The following EYS variants were observed in gnomAD, a reference collection of about 807,000 sequenced individuals.
EYS encodes protein eyes shut homolog.
In EYS, 250 loss-of-function variants were observed where a neutral mutation model predicts 282.1. The observed-to-expected ratio is 0.89, with a 90% CI of 0.80 to 0.98. The LOEUF is 0.98. Ranked by LOEUF, EYS falls within the 50% of genes least tolerant of loss-of-function variation. The probability of loss-of-function intolerance (pLI) is 0.00; values close to 1 mark genes in which losing one functional copy is unlikely to be tolerated. For synonymous variants in EYS, 1,355 were observed against 1,282.9 expected (o/e 1.06, Z -1.20); for missense variants, 4,016 against 3,709.0 (o/e 1.08, Z -2.15).
intron 35 of EYS, among the ~76,000 whole-genome samples, chr6:63,943,066 A>G (rs1284224797): frequency 6.6e-6 from 1 of 152,242 alleles, no homozygotes; most frequent in East Asian, 1.9e-4. Context: ...TTTCTGGTCA[A>G]CAGTAAGCTA....
At chr6:64,470,850 C>G (rs1223558460) in intron 26 of EYS, among the ~76,000 whole-genome samples, 1 of 152,002 alleles carries the variant, frequency 6.6e-6, no homozygotes, top group Non-Finnish European at 1.5e-5. Context: ...ATAAAGAGAA[C>G]AAATATTTGA....
chr6:64,050,458 G>T (rs1037545972), intron 33 of EYS, among the ~76,000 whole-genome samples: 3 of 152,096 alleles, frequency 2.0e-5, no homozygotes, highest in Non-Finnish European at 4.4e-5. Flanking sequence ...ACTCATAGTA[G>T]ACTCCTAATT....
At chr6:64,799,242 T>C (rs1173761211) in intron 22 of EYS, among the ~76,000 whole-genome samples, 2 of 151,946 alleles carry the variant, frequency 1.3e-5, no homozygotes, top group Admixed American at 6.6e-5. Flanking sequence ...CCATCAAATC[T>C]CATCTTTCTT....
At chr6:65,062,302 T>C (rs1216722244) in intron 12 of EYS, among the ~76,000 whole-genome samples, 1 of 151,944 alleles carries the variant, frequency 6.6e-6, no homozygotes, top group Admixed American at 6.6e-5. Context: ...GAGTTATTCT[T>C]TATTGTTCCT....
chr6:64,443,341 C>T (rs1223610108), intron 26 of EYS, among the ~76,000 whole-genome samples: 3 of 152,134 alleles, frequency 2.0e-5, no homozygotes, highest in East Asian at 1.9e-4. Context: ...CTTGCTTTTG[C>T]TTTTACAGGC....
At chr6:64,332,787 G>T (rs1770695501) in intron 29 of EYS, among the ~76,000 whole-genome samples, 1 of 152,168 alleles carries the variant, frequency 6.6e-6, no homozygotes, top group Non-Finnish European at 1.5e-5. Flanking sequence ...CATGGCCGAA[G>T]CCTAAGGAAA....
intron 14 of EYS, among the ~76,000 whole-genome samples, chr6:64,951,022 T>C (rs1011094283): frequency 6.6e-6 from 1 of 151,280 alleles, no homozygotes; most frequent in Admixed American, 6.6e-5. Context: ...GCAGCTTCTT[T>C]GAATGAAAAG....
At chr6:64,152,239 T>TA (rs1181390032) in intron 31 of EYS, among the ~76,000 whole-genome samples, 1 of 152,172 alleles carries the variant, frequency 6.6e-6, no homozygotes, top group Non-Finnish European at 1.5e-5. Flanking sequence ...GGACAAGTTG[T>TA]AAAAATAATG....
chr6:65,443,067 A>G lies in EYS; in HGVS notation c.863-37700T>C, dbSNP rs561755752. Among the ~76,000 whole-genome samples, 19 of 151,798 alleles carry G rather than the reference A, an allele frequency of 1.3e-4. 1 individual carries two copies. Among genetic ancestry groups the G allele is most frequent in the African/African-American group, 3.9e-4 (16 of 41,484 alleles). ...ACATACGGGAGCATGCATATATGTG[A>G]TATGTATGTGTCTATACATACATGC... On this transcript the variant is annotated intron_variant, in intron 5 of 42. Coordinates refer to ENST00000503581, the MANE Select transcript of EYS (RefSeq NM_001142800.2).
chr6:64,341,998 T>C (rs147658356), intron 29 of EYS, among the ~76,000 whole-genome samples: 3 of 151,706 alleles, frequency 2.0e-5, no homozygotes, highest in African/African-American at 4.8e-5. Context: ...TGGTTACTTA[T>C]AAGAGGAGGA....
intron 13 of EYS, among the ~76,000 whole-genome samples, chr6:65,016,129 C>T (rs1297382041): frequency 2.9e-4 from 43 of 149,924 alleles, no homozygotes; most frequent in East Asian, 2.0e-4. Flanking sequence ...TTTGGGAGGC[C>T]GAGGTGGACA....
chr6:64,910,942 A>G (rs1767971674), intron 16 of EYS, among the ~76,000 whole-genome samples: 2 of 152,046 alleles, frequency 1.3e-5, no homozygotes, highest in African/African-American at 4.8e-5. Flanking sequence ...GTGAATAAAT[A>G]TACTATGGCC....
chr6:64,458,255 T>G (rs2150482856), intron 26 of EYS, among the ~76,000 whole-genome samples: 1 of 152,242 alleles, frequency 6.6e-6, no homozygotes, highest in African/African-American at 2.4e-5. Context: ...GACTGTATAC[T>G]TACTTGTACT....
chr6:64,933,429 A>G (rs1312316554), intron 15 of EYS, among the ~76,000 whole-genome samples: 2 of 152,174 alleles, frequency 1.3e-5, no homozygotes, highest in African/African-American at 4.8e-5. Context: ...CAAAACCACA[A>G]TGAGATACCA....
intron 30 of EYS, among the ~76,000 whole-genome samples, chr6:64,269,779 G>A (rs1288061497): frequency 6.6e-6 from 1 of 151,612 alleles, no homozygotes; most frequent in Non-Finnish European, 1.5e-5. Flanking sequence ...CCTCTAAAAG[G>A]TCTCTGTGAT....
intron 28 of EYS, among the ~76,000 whole-genome samples, chr6:64,405,564 T>C (rs907479232): frequency 5.9e-5 from 9 of 152,198 alleles, no homozygotes; most frequent in Non-Finnish European, 1.3e-4. Flanking sequence ...GACATGATTG[T>C]ATATTTAGAA....
chr6:64,441,682 G>A (rs1417998141), intron 26 of EYS, among the ~76,000 whole-genome samples: 2 of 152,116 alleles, frequency 1.3e-5, no homozygotes, highest in South Asian at 2.1e-4. Context: ...TGTTTTTCCT[G>A]TGCTGTTCTT....
At chr6:65,451,781 T>A (rs9354247) in intron 5 of EYS, among the ~76,000 whole-genome samples, 6 of 151,936 alleles carry the variant, frequency 3.9e-5, no homozygotes, top group East Asian at 3.9e-4. Flanking sequence ...TGATCTATAC[T>A]TTTTATTTCT....
At chr6:64,096,076 G>A (rs1035670338) in intron 31 of EYS, among the ~76,000 whole-genome samples, 2 of 152,136 alleles carry the variant, frequency 1.3e-5, no homozygotes, top group Non-Finnish European at 2.9e-5. Flanking sequence ...GTTGAATATT[G>A]GCCCCCACTC....
Sources: allele counts gnomAD v4.1 joint callset (sites outside exome capture counted in the v4.1 genomes callset), GRCh38; gene constraint gnomAD v4.1.1; transcripts MANE v1.5; gene names NCBI Gene and HGNC (gene_info 2026-07-23, HGNC 2026-07-21).